The following TMEM91 variants were observed in gnomAD, a reference collection of about 807,000 sequenced individuals.
The protein encoded by TMEM91 is dispanin subfamily C member 3.
A neutral mutation model predicts 13.3 loss-of-function variants in TMEM91; 6 were observed. That is an observed-to-expected ratio of 0.45 (90% CI 0.25 to 0.89). The LOEUF (loss-of-function observed/expected upper bound fraction) is 0.89. Among genes scored for constraint, TMEM91 ranks in the 40% least tolerant of loss-of-function variants. TMEM91 has a pLI of 0.19. For synonymous variants in TMEM91, 87 were observed against 101.7 expected, an observed-to-expected ratio of 0.86 and a Z score of 0.87; for missense variants, 193 against 228.7, an observed-to-expected ratio of 0.84 and a Z score of 1.01.
chr19:41,382,078 C>A (rs1190162648), intron 2 of TMEM91, among the ~76,000 whole-genome samples: 3 of 151,854 alleles, frequency 2.0e-5, no homozygotes, highest in East Asian at 3.9e-4. Context: ...GTTGGCCAGG[C>A]TGGTCTCCCA....
Position 41,383,737 on chromosome 19 carries a change from G to C in TMEM91, c.383G>C (p.Gly128Ala). ...CAGACCAACAAGGCTTGGGCCAAGG[G>C]GGACATCCAGGGGGCAGGGGCCGCC... is the stretch of plus-strand genomic sequence containing the variant. ...AQKTNKAWAKGDIQGAGAASR... is the reference protein window; with the variant it reads ...AQKTNKAWAKADIQGAGAASR... The change falls in exon 4 of 4, where the codon GGG becomes GCG. Residue 128 changes from glycine (G) to alanine (A), a missense_variant. Gly to Ala is a moderately conservative substitution (Grantham distance 60). Coordinates refer to ENST00000392002, the MANE Select transcript of TMEM91 (RefSeq NM_001098821.2). 1 of 1,608,652 alleles carries C rather than the reference G, an allele frequency of 6.2e-7. No individual in the cohort carries two copies. Among genetic ancestry groups the C allele is most frequent in the Non-Finnish European group, 8.5e-7 (1 of 1,176,962 alleles).
chr19:41,371,402 C>T (rs1180132798), intron 1 of TMEM91, among the ~76,000 whole-genome samples: 5 of 134,686 alleles, frequency 3.7e-5, no homozygotes, highest in South Asian at 2.4e-4. Flanking sequence ...TCCTCCCTCC[C>T]TCCCTCCTTT....
At chr19:41,378,008 C>T (rs1416361402) in intron 1 of TMEM91, among the ~76,000 whole-genome samples, 3 of 146,528 alleles carry the variant, frequency 2.0e-5, no homozygotes, top group Non-Finnish European at 3.0e-5. Flanking sequence ...GGTGGATCTG[C>T]CTGGGCAACA....
upstream of TMEM91, among the ~76,000 whole-genome samples, chr19:41,371,545 G>A (rs372259805): frequency 3.6e-4 from 54 of 151,410 alleles, no homozygotes; most frequent in African/African-American, 1.2e-3. Flanking sequence ...TCAGCCTCCC[G>A]AGTAGCTGGG....
chr19:41,364,591 G>A (rs2038482734), intron 1 of TMEM91, among the ~76,000 whole-genome samples: 1 of 152,012 alleles, frequency 6.6e-6, no homozygotes, highest in African/African-American at 2.4e-5. Context: ...AAGTTGGGGA[G>A]TGGGTTCTGC....
intron 2 of TMEM91, among the ~76,000 whole-genome samples, chr19:41,382,062 C>T (rs1417656769): frequency 6.6e-6 from 1 of 151,136 alleles, no homozygotes; most frequent in Non-Finnish European, 1.5e-5. Context: ...GATGAGGTTT[C>T]ACCATGTTGG....
At chr19:41,369,998 C>G (rs2038587865) in intron 1 of TMEM91, among the ~76,000 whole-genome samples, 1 of 152,096 alleles carries the variant, frequency 6.6e-6, no homozygotes. Context: ...TGAAACAAAA[C>G]AACTCCCCTA....
intron 1 of TMEM91, among the ~76,000 whole-genome samples, chr19:41,371,407 TCCTTTCTCTCTCTC>T (rs1477482215): frequency 8.0e-6 from 1 of 125,626 alleles, no homozygotes; most frequent in African/African-American, 3.2e-5. Context: ...CCTCCCTCCC[TCCTTTCTCTCTCTC>T]TCTTTCTCTC....
chr19:41,382,895 A>G lies in TMEM91; in HGVS notation c.334A>G (p.Ile112Val), dbSNP rs1410081078. 6.2e-7 allele frequency: 1 copy of G among 1,614,158 alleles called. No individual in the cohort carries two copies. Among genetic ancestry groups the G allele is most frequent in the Non-Finnish European group, 8.5e-7 (1 of 1,180,034 alleles). ...GCTGTGTTGTTTCTGGCCCGTTGGC[A>G]TCGCTGCCTTCTGTCTAGCCCAGAA... ...SMLCCFWPVG[I>V]AAFCLAQKTN... Residue 112 changes from isoleucine (I) to valine (V), a missense_variant, in exon 3 of 4, where the codon ATC becomes GTC. Transcript: ENST00000392002.
At position 41,383,732 on chromosome 19, in the gene TMEM91, C is replaced by G; in HGVS notation, c.378C>G (p.Ala126=). 1.2e-6 allele frequency: 2 copies of G among 1,608,442 alleles called. No individual in the cohort carries two copies. Among genetic ancestry groups the G allele is most frequent in the South Asian group, 2.2e-5 (2 of 90,460 alleles). Reference sequence around the variant, plus strand: ...CTCTACAGACCAACAAGGCTTGGGCCAAGGGGGACATCCAGGGGGCAGGGG... The same window carrying G: ...CTCTACAGACCAACAAGGCTTGGGCGAAGGGGGACATCCAGGGGGCAGGGG... The part of the protein sequence containing the change: ...CLAQKTNKAW[A]KGDIQGAGAA... Residue 126 remains alanine (A), a synonymous_variant, in exon 4 of 4, where the codon GCC becomes GCG. Transcript: ENST00000392002.
chr19:41,378,380 A>C lies in TMEM91; in HGVS notation c.71A>C (p.Gln24Pro). 1.9e-6 allele frequency: 3 copies of C among 1,614,222 alleles called. No individual in the cohort carries two copies. Among genetic ancestry groups the C allele is most frequent in the Non-Finnish European group, 2.5e-6 (3 of 1,180,030 alleles). The change falls in exon 2 of 4, where the codon CAG (glutamine) becomes CCG (proline). Residue 24 changes from glutamine (Q) to proline (P), a missense_variant. By Grantham distance (76) the Gln-to-Pro change is moderately conservative. Coordinates refer to ENST00000392002, the MANE Select transcript of TMEM91 (RefSeq NM_001098821.2). ...LEGTECETPA[Q>P]KPGRHELGSP... is the part of the protein sequence containing the mutation. ...GGCACAGAATGTGAGACCCCTGCCCAGAAGCCTGGCAGGCATGAGCTGGGG... is the reference window on the plus strand; with the variant it reads ...GGCACAGAATGTGAGACCCCTGCCCCGAAGCCTGGCAGGCATGAGCTGGGG...
rs959959022 is a variant in TMEM91 at position 41,383,199 on chromosome 19, G to A, written c.360+278G>A. ...CTCCTGAGTAGCTGGGATTAGAGGCGCGCGCTACCATGCCTGGCTAATTTT... is the reference window on the plus strand; with the variant it reads ...CTCCTGAGTAGCTGGGATTAGAGGCACGCGCTACCATGCCTGGCTAATTTT... On this transcript the variant is annotated intron_variant, in intron 3 of 3. Coordinates refer to ENST00000392002, the MANE Select transcript of TMEM91 (RefSeq NM_001098821.2). 29 of 469,936 alleles carry A rather than the reference G, an allele frequency of 6.2e-5. 1 individual carries two copies. Among genetic ancestry groups the A allele is most frequent in the South Asian group, 2.4e-4 (5 of 21,104 alleles). The allele number at this position is 469,936 out of a possible 1,614,324, so 29.1% of individuals were successfully genotyped here. A position where few individuals can be genotyped will look rare whatever the true frequency, so the allele number is the denominator to read the frequency against.
chr19:41,378,492 G>A lies in TMEM91; in HGVS notation c.183G>A (p.Leu61=), dbSNP rs1268857118. The A allele has an allele frequency of 1.2e-6, 2 of 1,613,936 alleles. No homozygotes were observed. Among genetic ancestry groups the A allele is most frequent in the Non-Finnish European group, 1.7e-6 (2 of 1,179,974 alleles). ...CTCTTCCCTCCGTGAGCGCTGGCCTGGGGGAACCAAGGCCCCCTGATGTTG... is the reference window on the plus strand; with the variant it reads ...CTCTTCCCTCCGTGAGCGCTGGCCTAGGGGAACCAAGGCCCCCTGATGTTG... ...SPPLPSVSAG[L]GEPRPPDVED... is the part of the protein sequence containing the mutation. Residue 61 remains leucine, a synonymous_variant, in exon 2 of 4, where the codon CTG becomes CTA. Coordinates refer to ENST00000392002, the MANE Select transcript of TMEM91 (RefSeq NM_001098821.2).
chr19:41,381,076 C>CAAAAAAAAAAA (rs1166323642), intron 2 of TMEM91, among the ~76,000 whole-genome samples: 1 of 52,782 alleles, frequency 1.9e-5, no homozygotes, highest in African/African-American at 6.8e-5. Flanking sequence ...GACTCTGTCT[C>CAAAAAAAAAAA]AAAAAAAAAA....
chr19:41,378,422 T>G lies in TMEM91; in HGVS notation c.113T>G (p.Ile38Arg), dbSNP rs77399851. ...RHELGSPLRE[I>R]AFAESLRGLQ... Reference sequence around the variant, plus strand: ...GAGCTGGGGTCCCCCTTAAGAGAGATAGCCTTTGCCGAGTCCCTGAGGGGT... The same window carrying G: ...GAGCTGGGGTCCCCCTTAAGAGAGAGAGCCTTTGCCGAGTCCCTGAGGGGT... Residue 38 changes from isoleucine (I) to arginine (R), a missense_variant, in exon 2 of 4, where the codon ATA (isoleucine) becomes AGA (arginine). Physicochemically the swap from Ile to Arg is moderately conservative, Grantham distance 97 (BLOSUM62 -3). Coordinates refer to ENST00000392002, the MANE Select transcript of TMEM91 (RefSeq NM_001098821.2). 10 of 1,614,028 alleles carry G rather than the reference T, an allele frequency of 6.2e-6. No homozygotes were observed. Among genetic ancestry groups the G allele is most frequent in the Non-Finnish European group, 8.5e-6 (10 of 1,180,034 alleles).
At chr19:41,364,558 C>A (rs2038481563) in intron 1 of TMEM91, among the ~76,000 whole-genome samples, 1 of 149,426 alleles carries the variant, frequency 6.7e-6, no homozygotes, top group African/African-American at 2.6e-5. Context: ...GCAAAAAAAT[C>A]ACTCCTCATT....
At chr19:41,383,376 C>T in intron 3 of TMEM91, 1 of 725,208 alleles carries the variant, frequency 1.4e-6, no homozygotes, top group Non-Finnish European at 1.9e-6. Flanking sequence ...TTGGGCAAGT[C>T]ACTTAACTTC....
At chr19:41,374,626 G>T (rs747219091), upstream of TMEM91, among the ~76,000 whole-genome samples, 1 of 152,132 alleles carries the variant, frequency 6.6e-6, no homozygotes, top group Non-Finnish European at 1.5e-5. Context: ...TTTTGTAGGT[G>T]AAGAAATAGG....
At position 41,382,834 on chromosome 19, in the gene TMEM91, A is replaced by G. The variant is rs1202848218; in HGVS notation, c.273A>G (p.Leu91=). The change falls in exon 3 of 4, where the codon CTA becomes CTG. Residue 91 remains leucine, a synonymous_variant. Transcript: ENST00000392002. ...WDGGSRLSPF[L]PHDHLGLAVF... is the part of the protein sequence containing the mutation. ...GAGGCAGCCGTCTTTCACCATTTCT[A>G]CCCCACGACCACCTCGGCTTGGCTG... 27 of 1,613,718 alleles carry G rather than the reference A, an allele frequency of 1.7e-5. No individual in the cohort carries two copies. The highest frequency in any genetic ancestry group is 2.2e-5 in the Non-Finnish European group (26 of 1,179,978).
Sources: gnomAD v4.1 joint callset for allele counts (sites outside exome capture counted in the v4.1 genomes callset) on GRCh38, gnomAD v4.1.1 for gene constraint, MANE v1.5 for transcripts, NCBI Gene and HGNC (gene_info 2026-07-23, HGNC 2026-07-21) for gene names.